Variants in LINGO2 observed in about 807,000 individuals in gnomAD.
The protein encoded by LINGO2 is leucine-rich repeat and immunoglobulin-like domain-containing nogo receptor-interacting protein 2.
A neutral mutation model predicts 30.6 loss-of-function variants in LINGO2; 14 were observed. The ratio of observed to expected loss-of-function variants is 0.46; its 90% CI spans 0.30 to 0.72. LINGO2 has a LOEUF of 0.72. Ranked by LOEUF, LINGO2 falls within the 30% of genes least tolerant of loss-of-function variation. LINGO2 has a pLI of 0.07. For synonymous variants in LINGO2, 317 were observed against 288.5 expected (o/e 1.10, Z -1.00); for missense variants, 729 against 751.7 (o/e 0.97, Z 0.35).
intron 4 of LINGO2, among the ~76,000 whole-genome samples, chr9:28,190,277 G>A (rs970775378): frequency 1.1e-4 from 16 of 151,772 alleles, no homozygotes; most frequent in African/African-American, 2.9e-4. Flanking sequence ...TTTTTTTCTC[G>A]GAAGAAGTTA....
At chr9:28,809,723 G>T in the LINGO2 span, among the ~76,000 whole-genome samples, 178 of 143,772 alleles carry the variant, frequency 1.2e-3, 1 homozygote, top group African/African-American at 4.4e-3. Context: ...TCCAGCCCGG[G>T]TGACAGGGCC....
intron 1 of LINGO2, among the ~76,000 whole-genome samples, chr9:28,524,206 T>C (rs979920815): frequency 6.6e-6 from 1 of 152,206 alleles, no homozygotes; most frequent in East Asian, 1.9e-4. Flanking sequence ...ACTAGAACAG[T>C]TGGATAATAC....
chr9:28,786,616 G>A, the LINGO2 span, among the ~76,000 whole-genome samples: 1 of 152,090 alleles, frequency 6.6e-6, no homozygotes, highest in African/African-American at 2.4e-5. Flanking sequence ...CAGACAAATA[G>A]ATATTTCTTC....
At chr9:28,017,497 G>A (rs1279094079) in intron 4 of LINGO2, among the ~76,000 whole-genome samples, 1 of 152,032 alleles carries the variant, frequency 6.6e-6, no homozygotes, top group Non-Finnish European at 1.5e-5. Context: ...AAAATTTCAG[G>A]ATACAAAAAT....
chr9:28,424,415 A>G (rs1000555367), intron 2 of LINGO2, among the ~76,000 whole-genome samples: 1 of 152,132 alleles, frequency 6.6e-6, no homozygotes, highest in African/African-American at 2.4e-5. Flanking sequence ...CAATAGCTAG[A>G]CAATTGCCAG....
the LINGO2 span, among the ~76,000 whole-genome samples, chr9:29,120,592 A>G: frequency 6.6e-6 from 1 of 152,160 alleles, no homozygotes; most frequent in Non-Finnish European, 1.5e-5. Flanking sequence ...CCAATGCTCT[A>G]ATTAAATGGA....
the LINGO2 span, among the ~76,000 whole-genome samples, chr9:29,211,583 C>CT: frequency 1.1e-3 from 170 of 148,242 alleles, no homozygotes; most frequent in Middle Eastern, 3.4e-3. Context: ...CTTCTCTTCT[C>CT]TCTCTCTCTC....
At chr9:28,297,843 G>A (rs150269555) in intron 3 of LINGO2, among the ~76,000 whole-genome samples, 2 of 152,270 alleles carry the variant, frequency 1.3e-5, no homozygotes, top group African/African-American at 4.8e-5. Context: ...CCTTCCAACT[G>A]TTGTGTAAGG....
At chr9:28,406,978 G>A (rs952687232) in intron 2 of LINGO2, among the ~76,000 whole-genome samples, 1 of 152,094 alleles carries the variant, frequency 6.6e-6, no homozygotes, top group African/African-American at 2.4e-5. Flanking sequence ...TAATTCCTGT[G>A]TTGGGTGCAG....
At chr9:28,819,151 T>TCCCTTCC in the LINGO2 span, among the ~76,000 whole-genome samples, 5 of 152,136 alleles carry the variant, frequency 3.3e-5, no homozygotes, top group Admixed American at 3.3e-4. Flanking sequence ...CATCAGAGCT[T>TCCCTTCC]CCCTTCCATA....
intron 4 of LINGO2, among the ~76,000 whole-genome samples, chr9:28,045,078 A>G (rs1824355529): frequency 6.6e-6 from 1 of 151,986 alleles, no homozygotes; most frequent in African/African-American, 2.4e-5. Flanking sequence ...GTCAGGCAAT[A>G]TAATAGAAGA....
chr9:28,011,495 T>G (rs1436542141), intron 5 of LINGO2, among the ~76,000 whole-genome samples: 1 of 152,206 alleles, frequency 6.6e-6, no homozygotes, highest in Admixed American at 6.5e-5. Context: ...TTTGAATTTA[T>G]GTGATATAAA....
intron 4 of LINGO2, among the ~76,000 whole-genome samples, chr9:28,022,302 A>G (rs1339967609): frequency 6.6e-6 from 1 of 152,088 alleles, no homozygotes; most frequent in African/African-American, 2.4e-5. Flanking sequence ...CCTATCTTCT[A>G]TAATCACTCA....
the LINGO2 span, among the ~76,000 whole-genome samples, chr9:28,959,467 A>G: frequency 6.6e-6 from 1 of 152,086 alleles, no homozygotes; most frequent in Non-Finnish European, 1.5e-5. Flanking sequence ...TGGACAAAAT[A>G]AGGATGAGAA....
At chr9:29,052,839 T>A in the LINGO2 span, among the ~76,000 whole-genome samples, 1 of 152,142 alleles carries the variant, frequency 6.6e-6, no homozygotes, top group Non-Finnish European at 1.5e-5. Flanking sequence ...CATTAGTTGG[T>A]CAATTACACA....
chr9:28,966,064 T>A, the LINGO2 span, among the ~76,000 whole-genome samples: 4 of 152,154 alleles, frequency 2.6e-5, no homozygotes, highest in Non-Finnish European at 5.9e-5. Flanking sequence ...AAAAATTTCC[T>A]TTCAGCATCT....
At chr9:28,263,628 T>A (rs534123179) in intron 4 of LINGO2, among the ~76,000 whole-genome samples, 1 of 152,128 alleles carries the variant, frequency 6.6e-6, no homozygotes, top group East Asian at 1.9e-4. Context: ...TACAGAACAT[T>A]TTCTCATGTG....
chr9:29,050,168 G>A, the LINGO2 span, among the ~76,000 whole-genome samples: 1 of 152,052 alleles, frequency 6.6e-6, no homozygotes, highest in African/African-American at 2.4e-5. Flanking sequence ...TGGGATTACA[G>A]GTACGCACCA....
At chr9:28,210,286 T>C (rs1820544244) in intron 4 of LINGO2, among the ~76,000 whole-genome samples, 1 of 151,654 alleles carries the variant, frequency 6.6e-6, no homozygotes, top group African/African-American at 2.4e-5. Context: ...TGAGCAATTT[T>C]CTCATACTTT....
Sources: gnomAD v4.1 joint callset for allele counts (sites outside exome capture counted in the v4.1 genomes callset) on GRCh38, gnomAD v4.1.1 for gene constraint, MANE v1.5 for transcripts, NCBI Gene and HGNC (gene_info 2026-07-23, HGNC 2026-07-21) for gene names.